The following FOXP4 variants were observed in gnomAD, a reference collection of about 807,000 sequenced individuals.
FOXP4 encodes the protein forkhead box P4.
FOXP4 carries 25 observed loss-of-function variants against 82.6 expected under a neutral mutation model. The observed-to-expected ratio is 0.30, with a 90% confidence interval of 0.22 to 0.42. The LOEUF (loss-of-function observed/expected upper bound fraction) is 0.42. Among genes scored for constraint, FOXP4 ranks in the 10% least tolerant of loss-of-function variants. FOXP4 has a pLI of 1.00. For synonymous variants in FOXP4, 415 were observed against 388.2 expected, an observed-to-expected ratio of 1.07 and a Z score of -0.81; for missense variants, 785 against 900.9, an observed-to-expected ratio of 0.87 and a Z score of 1.65.
intron 1 of FOXP4, among the ~76,000 whole-genome samples, chr6:41,550,489 C>T (rs921894067): frequency 6.6e-6 from 1 of 152,176 alleles, no homozygotes; most frequent in Non-Finnish European, 1.5e-5. Context: ...AGAGAAGAGG[C>T]AACTTGTCCA....
At position 41,590,352 on chromosome 6, in the gene FOXP4, G is replaced by T. The variant is rs1405346523; in HGVS notation, c.1434+5G>T. On this transcript the variant is annotated splice_donor_5th_base_variant and intron_variant, in intron 12 of 16. Coordinates refer to ENST00000307972, the MANE Select transcript of FOXP4 (RefSeq NM_001012426.2). ...TACGCCTCCCTCATCCGCCAGGTGA[G>T]CAGGGCAGGTAGGAGGAGGGTGGGG... 1 of 1,613,494 alleles carries T rather than the reference G, an allele frequency of 6.2e-7. No individual in the cohort carries two copies. Among genetic ancestry groups the T allele is most frequent in the Admixed American group, 1.7e-5 (1 of 59,976 alleles).
At chr6:41,561,130 C>T (rs1445140892) in intron 1 of FOXP4, among the ~76,000 whole-genome samples, 3 of 152,214 alleles carry the variant, frequency 2.0e-5, no homozygotes, top group Non-Finnish European at 4.4e-5. Context: ...GCGGAAGAGG[C>T]AGCCGCGGCT....
chr6:41,595,040 G>A (rs774625267), intron 14 of FOXP4, 49 bp downstream of exon 14: 7 of 1,610,124 alleles, frequency 4.3e-6, no homozygotes, highest in Admixed American at 3.3e-5. Context: ...GGGGGCAGGA[G>A]CCAACTCACC....
chr6:41,587,756 G>A (rs1315235448), intron 7 of FOXP4, 37 bp from the exon 8 acceptor site: 3 of 1,415,808 alleles, frequency 2.1e-6, no homozygotes, highest in South Asian at 1.2e-5. Flanking sequence ...GGGGTCTTCA[G>A]GGTCCCTGAT....
chr6:41,554,991 G>A (rs1389246695), intron 1 of FOXP4, among the ~76,000 whole-genome samples: 2 of 152,190 alleles, frequency 1.3e-5, no homozygotes, highest in Non-Finnish European at 2.9e-5. Context: ...AGTGGCTCAT[G>A]CCTGTAATCC....
intron 1 of FOXP4, among the ~76,000 whole-genome samples, chr6:41,554,538 A>T (rs1346054570): frequency 6.6e-6 from 1 of 152,152 alleles, no homozygotes; most frequent in Non-Finnish European, 1.5e-5. Context: ...CTCAAGGAGA[A>T]TCTAGTGTGG....
Position 41,599,171 on chromosome 6 carries a change from T to G in FOXP4, c.*235T>G. 1 of 465,392 alleles carries G rather than the reference T, an allele frequency of 2.1e-6. No individual in the cohort carries two copies. The highest frequency in any genetic ancestry group is 3.7e-6 in the Non-Finnish European group (1 of 267,764). The allele number at this position is 465,392 out of a possible 1,614,324, so 28.8% of individuals were successfully genotyped here. A position where few individuals can be genotyped will look rare whatever the true frequency, so the allele number is the denominator to read the frequency against. On this transcript the variant is annotated 3_prime_UTR_variant, in exon 17 of 17. Coordinates refer to ENST00000307972, the MANE Select transcript of FOXP4 (RefSeq NM_001012426.2). ...TGGACCAGTAGAGGACACGGAGGGT[T>G]CAGACCCCTCCTCAGACCCTCCCCA...
chr6:41,570,150 A>G (rs1765117270), intron 2 of FOXP4: 5 of 364,012 alleles, frequency 1.4e-5, no homozygotes, highest in Non-Finnish European at 2.8e-5. Context: ...CTGCAGGTCC[A>G]GGGCCCATTT....
At chr6:41,559,363 T>C (rs1356699820) in intron 1 of FOXP4, among the ~76,000 whole-genome samples, 3 of 152,206 alleles carry the variant, frequency 2.0e-5, no homozygotes, top group African/African-American at 4.8e-5. Flanking sequence ...TAAACATTGG[T>C]CGCACCAATG....
intron 1 of FOXP4, among the ~76,000 whole-genome samples, chr6:41,551,008 T>G (rs762931740): frequency 6.6e-6 from 1 of 152,190 alleles, no homozygotes; most frequent in Non-Finnish European, 1.5e-5. Context: ...GAGCCTGAAG[T>G]TATTGGCTCC....
At position 41,589,829 on chromosome 6, in the gene FOXP4, C is replaced by T. The variant is rs74607434; in HGVS notation, c.1124C>T (p.Ser375Leu). 6.9e-4 allele frequency: 1,119 copies of T among 1,610,822 alleles called. 12 individuals are homozygous for T. The East Asian group carries it at 0.022, about 31-fold the overall frequency. The change falls in exon 10 of 17, where the codon TCG (serine) becomes TTG (leucine). Residue 375 changes from serine (S) to leucine (L), a missense_variant. By Grantham distance (145) the Ser-to-Leu change is moderately radical (BLOSUM62 -2). Around this residue, in one of 3 missense-constraint regions of FOXP4, gnomAD observed 570 missense variants for 634.0 expected, o/e 0.90. Coordinates refer to ENST00000307972, the MANE Select transcript of FOXP4 (RefSeq NM_001012426.2). Reference protein sequence around the residue: ...AMMAHLHMRPSEPKPFSQPLN... With the variant: ...AMMAHLHMRPLEPKPFSQPLN... ...ATGGCCCACCTGCACATGCGGCCCT[C>T]GGAGCCCAAGCCCTTCAGCCAGCCA...
intron 1 of FOXP4, among the ~76,000 whole-genome samples, chr6:41,554,357 C>T (rs72858935): frequency 0.074 from 11,215 of 152,262 alleles, 487 homozygotes; most frequent in Non-Finnish European, 0.092. Context: ...TTGAAAAACC[C>T]AAGCCCTGTC....
chr6:41,562,282 A>C (rs1029928978), intron 1 of FOXP4, among the ~76,000 whole-genome samples: 2 of 152,116 alleles, frequency 1.3e-5, no homozygotes, highest in African/African-American at 4.8e-5. Flanking sequence ...CAGTGGGGTA[A>C]AGACCCTGGA....
chr6:41,594,977 G>A lies in FOXP4; in HGVS notation c.1644G>A (p.Pro548=), dbSNP rs750368775. 30 of 1,614,052 alleles carry A rather than the reference G, an allele frequency of 1.9e-5. No individual in the cohort carries two copies. The highest frequency in any genetic ancestry group is 6.7e-5 in the East Asian group (3 of 44,880). ...VDEREYQKRR[P]PKMTGSPTLV... is the part of the protein sequence containing the mutation. Reference sequence around the variant, plus strand: ...AGCGGGAGTATCAGAAGCGGAGACCGCCAAAGATGACAGGGTATGTGGGTC... The same window carrying A: ...AGCGGGAGTATCAGAAGCGGAGACCACCAAAGATGACAGGGTATGTGGGTC... Residue 548 remains proline, a synonymous_variant, in exon 14 of 17, where the codon CCG becomes CCA. Transcript: ENST00000307972.
rs1256414894 is a variant in FOXP4, at chr6:41,597,167, G to A, written c.1659-9G>A. 6.2e-7 allele frequency: 1 copy of A among 1,614,094 alleles called. No homozygotes were observed. The highest frequency in any genetic ancestry group is 8.5e-7 in the Non-Finnish European group (1 of 1,179,942). On this transcript the variant is annotated splice_polypyrimidine_tract_variant and intron_variant, in intron 14 of 16. Transcript: ENST00000307972. ...GAGTGAGCCAAAGATGGCCTTCTCTGTCCTCCAGGAGCCCCACCCTGGTGA... is the reference window on the plus strand; with the variant it reads ...GAGTGAGCCAAAGATGGCCTTCTCTATCCTCCAGGAGCCCCACCCTGGTGA...
chr6:41,597,724 CTGAG>C, intron 15 of FOXP4, 53 bp from the exon 16 acceptor site: 1 of 1,566,838 alleles, frequency 6.4e-7, no homozygotes, highest in Non-Finnish European at 8.6e-7. Flanking sequence ...CAGCACTTGA[CTGAG>C]TGTGCCCCAT....
intron 5 of FOXP4, among the ~76,000 whole-genome samples, chr6:41,585,726 C>T (rs1466695912): frequency 6.6e-6 from 1 of 152,078 alleles, no homozygotes. Context: ...TCTTTCTCTC[C>T]TTGCCTCGTG....
intron 1 of FOXP4, among the ~76,000 whole-genome samples, chr6:41,556,788 CTGTG>C (rs1764304747): frequency 6.6e-6 from 1 of 152,192 alleles, no homozygotes; most frequent in South Asian, 2.1e-4. Flanking sequence ...ATTTGTAAAG[CTGTG>C]TGTGTTGTGT....
At chr6:41,598,377 C>A (rs1234981554) in intron 16 of FOXP4, among the ~76,000 whole-genome samples, 2 of 151,970 alleles carry the variant, frequency 1.3e-5, no homozygotes, top group African/African-American at 4.8e-5. Flanking sequence ...CCACCATGCC[C>A]AGCTAATTAT....
Sources: gnomAD v4.1 joint callset for allele counts (sites outside exome capture counted in the v4.1 genomes callset) on GRCh38, gnomAD v4.1.1 for gene constraint, gnomAD v4.1.1 regional missense constraint, MANE v1.5 for transcripts, NCBI Gene and HGNC (gene_info 2026-07-23, HGNC 2026-07-21) for gene names.